RARB: variants seen among roughly 807,000 people sequenced by gnomAD.
The protein encoded by RARB is HBV-activated protein.
In RARB, 17 loss-of-function variants were observed where a neutral mutation model predicts 51.9. That is an observed-to-expected ratio of 0.33 (90% CI 0.22 to 0.49). RARB has a LOEUF of 0.49. Ranked by LOEUF, RARB falls within the 20% of genes least tolerant of loss-of-function variation. RARB has a pLI of 0.99. For synonymous variants in RARB, 215 were observed against 195.4 expected, an observed-to-expected ratio of 1.10 and a Z score of -0.84; for missense variants, 369 against 550.8, an observed-to-expected ratio of 0.67 and a Z score of 3.30.
chr3:25,477,075 G>A (rs1049661543), intron 2 of RARB, among the ~76,000 whole-genome samples: 5 of 152,188 alleles, frequency 3.3e-5, no homozygotes, highest in South Asian at 2.1e-4. Flanking sequence ...AGTTATCACA[G>A]GACAATAGCT....
At chr3:25,229,740 A>T (rs143735535) in intron 5 of RARB, among the ~76,000 whole-genome samples, 1 of 148,960 alleles carries the variant, frequency 6.7e-6, no homozygotes, top group African/African-American at 2.5e-5. Context: ...TGAGCATTCA[A>T]GATTAATTCC....
chr3:25,048,646 A>G (rs1039619232), intron 2 of RARB, among the ~76,000 whole-genome samples: 2 of 152,098 alleles, frequency 1.3e-5, no homozygotes, highest in African/African-American at 4.8e-5. Context: ...ACTTAATTTC[A>G]GATTTCTTTG....
chr3:25,138,335 GTT>G (rs79013652), intron 4 of RARB, among the ~76,000 whole-genome samples: 2 of 140,692 alleles, frequency 1.4e-5, no homozygotes. Context: ...CTATAATTGA[GTT>G]TTTTTTTTTT....
chr3:24,912,351 G>A (rs545788798), intron 2 of RARB, among the ~76,000 whole-genome samples: 10 of 152,138 alleles, frequency 6.6e-5, no homozygotes, highest in South Asian at 6.2e-4. Context: ...CCGTTTCTTC[G>A]TATTGTTATG....
intron 3 of RARB, among the ~76,000 whole-genome samples, chr3:25,548,418 A>C (rs1206529333): frequency 2.6e-5 from 4 of 152,150 alleles, no homozygotes; most frequent in Non-Finnish European, 5.9e-5. Context: ...CAAGGTTATA[A>C]TAGATCATAT....
intron 5 of RARB, among the ~76,000 whole-genome samples, chr3:25,220,039 C>G (rs1354147420): frequency 6.6e-6 from 1 of 152,118 alleles, no homozygotes; most frequent in Admixed American, 6.5e-5. Context: ...ATAGGATTAT[C>G]TTAAAGAATG....
chr3:24,984,731 A>G (rs1228243946), intron 2 of RARB, among the ~76,000 whole-genome samples: 1 of 149,630 alleles, frequency 6.7e-6, no homozygotes, highest in Non-Finnish European at 1.5e-5. Flanking sequence ...ATTTACTAAA[A>G]GTATTTTAGA....
chr3:25,538,105 C>T (rs1699218378), intron 3 of RARB, among the ~76,000 whole-genome samples: 1 of 152,062 alleles, frequency 6.6e-6, no homozygotes, highest in African/African-American at 2.4e-5. Flanking sequence ...TGGTGTTTCC[C>T]AGTAACAAGT....
At chr3:25,295,627 G>A (rs1575291296) in intron 5 of RARB, among the ~76,000 whole-genome samples, 1 of 152,100 alleles carries the variant, frequency 6.6e-6, no homozygotes, top group Non-Finnish European at 1.5e-5. Flanking sequence ...TATTTTATTT[G>A]CCTAATATGT....
intron 5 of RARB, among the ~76,000 whole-genome samples, chr3:25,272,144 A>G (rs1669751605): frequency 6.6e-6 from 1 of 152,224 alleles, no homozygotes; most frequent in African/African-American, 2.4e-5. Context: ...ATTTCCATTG[A>G]TTGCAGAAAA....
rs906223534 is a variant in RARB at position 25,249,699 on chromosome 3, T to C, written c.178+75124T>C. On this transcript the variant is annotated intron_variant, in intron 5 of 11. Transcript: ENST00000383772. ...CTGTATGATTTTTTTTTTTTTTTTT[T>C]TTTGGCTGTAAACAACATCAGTAGT... is the stretch of plus-strand genomic sequence containing the variant. Among the ~76,000 whole-genome samples the C allele has an allele frequency of 2.2e-3, 326 of 151,378 alleles. 1 individual carries two copies. The highest frequency in any genetic ancestry group is 7.4e-3 in the African/African-American group (303 of 41,220).
At chr3:25,232,676 G>C (rs1016771824) in intron 5 of RARB, among the ~76,000 whole-genome samples, 1 of 152,034 alleles carries the variant, frequency 6.6e-6, no homozygotes, top group African/African-American at 2.4e-5. Context: ...CTGATATATA[G>C]ATGGTCCCCA....
At chr3:25,181,245 T>A (rs1700854244) in intron 5 of RARB, among the ~76,000 whole-genome samples, 1 of 152,164 alleles carries the variant, frequency 6.6e-6, no homozygotes, top group Non-Finnish European at 1.5e-5. Flanking sequence ...GGACCTAGAT[T>A]TTATGAAGCT....
At chr3:25,567,055 A>T (rs747561183) in intron 3 of RARB, among the ~76,000 whole-genome samples, 4 of 152,168 alleles carry the variant, frequency 2.6e-5, no homozygotes, top group Non-Finnish European at 5.9e-5. Flanking sequence ...TGTAGGTGTC[A>T]TCTCAGCTTC....
intron 3 of RARB, among the ~76,000 whole-genome samples, chr3:25,068,317 C>T (rs1049690854): frequency 2.6e-5 from 4 of 151,660 alleles, no homozygotes; most frequent in African/African-American, 7.3e-5. Flanking sequence ...AGTTGAAGTT[C>T]CATTTTGACC....
At chr3:25,127,350 G>A (rs940660230) in intron 3 of RARB, among the ~76,000 whole-genome samples, 5 of 152,080 alleles carry the variant, frequency 3.3e-5, no homozygotes, top group Non-Finnish European at 7.4e-5. Flanking sequence ...AGCAGGCCAC[G>A]CTCCTTCCTG....
intron 2 of RARB, among the ~76,000 whole-genome samples, chr3:25,001,181 T>A (rs1211938459): frequency 1.3e-5 from 2 of 152,104 alleles, no homozygotes; most frequent in Non-Finnish European, 2.9e-5. Context: ...AGACAGTTTT[T>A]CTACTAACAC....
At chr3:25,292,866 T>C (rs1303767237) in intron 5 of RARB, among the ~76,000 whole-genome samples, 1 of 152,154 alleles carries the variant, frequency 6.6e-6, no homozygotes, top group Non-Finnish European at 1.5e-5. Flanking sequence ...CACTTAGAAA[T>C]AGCTTTTGCC....
At chr3:25,058,851 A>G (rs1193498411) in intron 2 of RARB, among the ~76,000 whole-genome samples, 2 of 151,764 alleles carry the variant, frequency 1.3e-5, no homozygotes, top group African/African-American at 2.4e-5. Context: ...TATAATCTAG[A>G]CATTTGAAAA....
Sources: gnomAD v4.1 joint callset for allele counts (sites outside exome capture counted in the v4.1 genomes callset) on GRCh38, gnomAD v4.1.1 for gene constraint, MANE v1.5 for transcripts, NCBI Gene and HGNC (gene_info 2026-07-23, HGNC 2026-07-21) for gene names.